FSTL5: variants seen among roughly 807,000 people sequenced by gnomAD.
FSTL5 encodes follistatin like 5, also known as follistatin-related protein 5.
A neutral mutation model predicts 89.1 loss-of-function variants in FSTL5; 62 were observed. The ratio of observed to expected loss-of-function variants is 0.70; its 90% CI spans 0.57 to 0.86. The LOEUF (loss-of-function observed/expected upper bound fraction) is 0.86, where lower values mean the gene tolerates loss of function less well. Among genes scored for constraint, FSTL5 ranks in the 40% least tolerant of loss-of-function variants. FSTL5 has a pLI of 0.00. For synonymous variants in FSTL5, 383 were observed against 346.2 expected, an observed-to-expected ratio of 1.11 and a Z score of -1.18; for missense variants, 1,057 against 1,001.6, an observed-to-expected ratio of 1.06 and a Z score of -0.75.
intron 4 of FSTL5, among the ~76,000 whole-genome samples, chr4:161,779,114 G>A (rs568775153): frequency 6.6e-6 from 1 of 152,258 alleles, no homozygotes; most frequent in South Asian, 2.1e-4. Context: ...TTAAAACTGG[G>A]GAGAGGGATA....
At chr4:161,913,067 G>T (rs1264990062) in intron 4 of FSTL5, among the ~76,000 whole-genome samples, 2 of 152,116 alleles carry the variant, frequency 1.3e-5, no homozygotes, top group Non-Finnish European at 2.9e-5. Context: ...TGACTTGGGT[G>T]CCATAAAAAA....
At chr4:161,975,451 T>C (rs1177545712) in intron 3 of FSTL5, among the ~76,000 whole-genome samples, 3 of 150,974 alleles carry the variant, frequency 2.0e-5, no homozygotes, top group African/African-American at 7.3e-5. Flanking sequence ...ATGTCCTTTG[T>C]AGGGACATGG....
intron 4 of FSTL5, among the ~76,000 whole-genome samples, chr4:161,906,412 AT>A (rs1452685008): frequency 6.6e-6 from 1 of 152,100 alleles, no homozygotes; most frequent in Non-Finnish European, 1.5e-5. Context: ...CTCTAATTTG[AT>A]TGGAAATGAG....
intron 4 of FSTL5, among the ~76,000 whole-genome samples, chr4:161,802,184 T>G (rs868317711): frequency 9.9e-5 from 15 of 151,714 alleles, no homozygotes; most frequent in African/African-American, 3.6e-4. Context: ...ATCATACTTA[T>G]GTTGCTTCAG....
intron 6 of FSTL5, among the ~76,000 whole-genome samples, chr4:161,700,481 T>A (rs908516485): frequency 9.2e-5 from 14 of 152,180 alleles, no homozygotes; most frequent in Admixed American, 3.3e-4. Context: ...TTTCTTTTTT[T>A]AATTTTTTAA....
chr4:161,879,531 G>C (rs933412301), intron 4 of FSTL5, among the ~76,000 whole-genome samples: 7 of 152,284 alleles, frequency 4.6e-5, no homozygotes, highest in Non-Finnish European at 8.8e-5. Context: ...ATCTCCGCAA[G>C]AGCCTGTCTC....
chr4:161,387,322 T>C (rs932093724), intron 15 of FSTL5: 8 of 152,050 alleles, frequency 5.3e-5, no homozygotes, highest in Non-Finnish European at 1.2e-4. Context: ...GCATTAACAA[T>C]ATTGATTGTC....
intron 2 of FSTL5, among the ~76,000 whole-genome samples, chr4:162,089,656 A>AAAAAAAAAAAAAAAAAG (rs1561012753): frequency 7.3e-6 from 1 of 136,422 alleles, no homozygotes. Context: ...AAAAAGAAAA[A>AAAAAAAAAAAAAAAAAG]AAAGAAAGAA....
At chr4:162,141,162 G>A (rs1732724179) in intron 1 of FSTL5, among the ~76,000 whole-genome samples, 1 of 103,628 alleles carries the variant, frequency 9.6e-6, no homozygotes, top group Non-Finnish European at 1.9e-5. Flanking sequence ...TGTCGCCCAG[G>A]CTGGAGTGCA....
At chr4:161,963,781 G>A (rs1735246204) in intron 3 of FSTL5, among the ~76,000 whole-genome samples, 1 of 151,902 alleles carries the variant, frequency 6.6e-6, no homozygotes. Context: ...ACACTATGCT[G>A]TGCCAAACAA....
At chr4:162,114,529 G>GACACAC (rs9308041) in intron 1 of FSTL5, among the ~76,000 whole-genome samples, 1 of 149,028 alleles carries the variant, frequency 6.7e-6, no homozygotes, top group Non-Finnish European at 1.5e-5. Context: ...TTTGTGTGTG[G>GACACAC]ACACACACAC....
At chr4:161,914,256 G>C (rs1005151188) in intron 4 of FSTL5, among the ~76,000 whole-genome samples, 3 of 152,088 alleles carry the variant, frequency 2.0e-5, no homozygotes, top group African/African-American at 7.2e-5. Context: ...AAATAAAATA[G>C]TAAGCTCAAA....
intron 6 of FSTL5, among the ~76,000 whole-genome samples, chr4:161,694,088 T>A (rs1382509028): frequency 7.3e-6 from 1 of 137,784 alleles, no homozygotes; most frequent in Non-Finnish European, 1.6e-5. Context: ...TTTAGGTTTA[T>A]CTGTTCTCTC....
At chr4:161,898,758 T>G (rs1295083064) in intron 4 of FSTL5, among the ~76,000 whole-genome samples, 1 of 151,732 alleles carries the variant, frequency 6.6e-6, no homozygotes, top group African/African-American at 2.4e-5. Context: ...GTCTCCCTAG[T>G]AGATGGGACT....
intron 6 of FSTL5, among the ~76,000 whole-genome samples, chr4:161,701,950 T>C (rs1006927557): frequency 2.0e-5 from 3 of 152,134 alleles, no homozygotes; most frequent in Non-Finnish European, 4.4e-5. Context: ...ATTTACTTCA[T>C]TACAATGATA....
At chr4:161,561,206 G>GATAA (rs77725312) in intron 8 of FSTL5, among the ~76,000 whole-genome samples, 1 of 151,476 alleles carries the variant, frequency 6.6e-6, no homozygotes, top group Admixed American at 6.6e-5. Context: ...TAGATAGATA[G>GATAA]ATAGATAGAT....
At chr4:161,977,617 A>AT (rs1735689495) in intron 3 of FSTL5, among the ~76,000 whole-genome samples, 7 of 50,188 alleles carry the variant, frequency 1.4e-4, no homozygotes, top group South Asian at 1.3e-3. Flanking sequence ...CGTGTCAAAA[A>AT]AAAAAAAAAA....
chr4:161,941,816 AC>A (rs1253923685), intron 3 of FSTL5, among the ~76,000 whole-genome samples: 1 of 151,952 alleles, frequency 6.6e-6, no homozygotes, highest in Admixed American at 6.6e-5. Flanking sequence ...GAAAAACTTC[AC>A]CTCAAACAGC....
At chr4:161,738,238 C>T (rs954150514) in intron 6 of FSTL5, among the ~76,000 whole-genome samples, 1 of 151,948 alleles carries the variant, frequency 6.6e-6, no homozygotes, top group South Asian at 2.1e-4. Flanking sequence ...ATGGAGATGG[C>T]TCATTAAACA....
Sources: allele counts gnomAD v4.1 joint callset (sites outside exome capture counted in the v4.1 genomes callset), GRCh38; gene constraint gnomAD v4.1.1; transcripts MANE v1.5; gene names NCBI Gene and HGNC (gene_info 2026-07-23, HGNC 2026-07-21).